Variants in SESTD1 observed in about 807,000 individuals in gnomAD.
SESTD1 encodes the protein SEC14 and spectrin domain containing 1.
Under a neutral mutation model 101.7 loss-of-function variants are expected in SESTD1, and 43 were observed. That is an observed-to-expected ratio of 0.42 (90% CI 0.33 to 0.55). The LOEUF is 0.55. Ranked by LOEUF, SESTD1 falls within the 20% of genes least tolerant of loss-of-function variation. SESTD1 has a pLI of 0.07. For missense variants in SESTD1, 647 were observed against 815.1 expected, an observed-to-expected ratio of 0.79 and a Z score of 2.51; for synonymous variants, 283 against 286.8, an observed-to-expected ratio of 0.99 and a Z score of 0.13.
Position 179,108,717 on chromosome 2 carries a change from TAAAA to T in SESTD1, c.*1178_*1181del, listed in dbSNP as rs1461347924. ...GACTAAAAAATAATTTTTAATATTTTAAAAAATGTTCTGAAATAAAAATACATAA... is the reference window on the plus strand; with the variant it reads ...GACTAAAAAATAATTTTTAATATTTTAATGTTCTGAAATAAAAATACATAA... On this transcript the variant is annotated 3_prime_UTR_variant, in exon 18 of 18. Coordinates refer to ENST00000428443, the MANE Select transcript of SESTD1 (RefSeq NM_178123.5). 6.6e-6 allele frequency: 1 copy of T among 152,018 alleles called. No individual in the cohort carries two copies. The highest frequency in any genetic ancestry group is 2.1e-4 in the South Asian group (1 of 4,832). The allele number at this position is 152,018 out of a possible 1,614,324, so 9.4% of individuals were successfully genotyped here. A position where few individuals can be genotyped will look rare whatever the true frequency, so the allele number is the denominator to read the frequency against.
intron 1 of SESTD1, among the ~76,000 whole-genome samples, chr2:179,207,686 C>T (rs906967996): frequency 1.5e-5 from 2 of 134,968 alleles, no homozygotes; most frequent in African/African-American, 5.9e-5. Context: ...TAGCACCACA[C>T]CAAGGGATCA....
intron 1 of SESTD1, among the ~76,000 whole-genome samples, chr2:179,244,464 AAAC>A (rs1408947548): frequency 7.3e-6 from 1 of 137,444 alleles, no homozygotes; most frequent in African/African-American, 3.4e-5. Flanking sequence ...GTCTCAAAAA[AAAC>A]AAACCAACAA....
chr2:179,247,427 TTTTTG>T (rs1232641491), intron 1 of SESTD1, among the ~76,000 whole-genome samples: 1 of 152,128 alleles, frequency 6.6e-6, no homozygotes, highest in African/African-American at 2.4e-5. Flanking sequence ...TTTGTTTTTG[TTTTTG>T]TTTTAAGAGA....
chr2:179,119,872 C>A (rs941126225), intron 13 of SESTD1, among the ~76,000 whole-genome samples: 1 of 152,162 alleles, frequency 6.6e-6, no homozygotes, highest in Non-Finnish European at 1.5e-5. Flanking sequence ...CCTGAGGTTT[C>A]CCCAGCCATA....
At chr2:179,198,761 AAC>A (rs1283099595) in intron 1 of SESTD1, among the ~76,000 whole-genome samples, 1 of 152,188 alleles carries the variant, frequency 6.6e-6, no homozygotes, top group African/African-American at 2.4e-5. Context: ...AACCAACGAG[AAC>A]ACAGACACAA....
intron 1 of SESTD1, chr2:179,264,238 G>A (rs2047524808): frequency 6.6e-6 from 1 of 152,112 alleles, no homozygotes; most frequent in Non-Finnish European, 1.5e-5. Flanking sequence ...GGAGGCAAAG[G>A]CGGCCCGCAG....
chr2:179,194,070 G>A (rs1333815177), intron 1 of SESTD1, among the ~76,000 whole-genome samples: 2 of 152,106 alleles, frequency 1.3e-5, no homozygotes, highest in African/African-American at 4.8e-5. Flanking sequence ...ATTTTGGATG[G>A]CCTTTCTTTT....
At chr2:179,125,922 C>T (rs1232017621) in intron 10 of SESTD1, among the ~76,000 whole-genome samples, 1 of 152,186 alleles carries the variant, frequency 6.6e-6, no homozygotes, top group East Asian at 1.9e-4. Context: ...AGCCGCCTGT[C>T]TCTTCTTCTA....
At chr2:179,172,463 T>C (rs1053271655) in intron 4 of SESTD1, among the ~76,000 whole-genome samples, 2 of 152,200 alleles carry the variant, frequency 1.3e-5, no homozygotes, top group African/African-American at 4.8e-5. Context: ...GCATAAATTG[T>C]ACATGTGAAT....
intron 1 of SESTD1, among the ~76,000 whole-genome samples, chr2:179,238,129 A>G (rs2047096505): frequency 6.6e-6 from 1 of 152,238 alleles, no homozygotes; most frequent in Non-Finnish European, 1.5e-5. Context: ...AAGAGAACAT[A>G]TATTTACTAT....
intron 8 of SESTD1, among the ~76,000 whole-genome samples, chr2:179,145,847 A>C (rs1226762848): frequency 2.0e-5 from 3 of 152,248 alleles, no homozygotes; most frequent in Non-Finnish European, 2.9e-5. Flanking sequence ...AAATAAAAAT[A>C]CATAAACACA....
intron 1 of SESTD1, among the ~76,000 whole-genome samples, chr2:179,238,806 CT>C (rs1265363366): frequency 6.6e-6 from 1 of 152,076 alleles, no homozygotes; most frequent in Non-Finnish European, 1.5e-5. Context: ...GAATTCTTAT[CT>C]TTGAGTCTAT....
intron 2 of SESTD1, among the ~76,000 whole-genome samples, chr2:179,189,605 G>A (rs1336808669): frequency 6.6e-6 from 1 of 151,914 alleles, no homozygotes; most frequent in Non-Finnish European, 1.5e-5. Flanking sequence ...AAAAGGCATA[G>A]AATTAGAAAA....
chr2:179,193,549 T>C (rs191053227), intron 1 of SESTD1, among the ~76,000 whole-genome samples: 38 of 152,342 alleles, frequency 2.5e-4, no homozygotes, highest in Admixed American at 1.1e-3. Flanking sequence ...ATTTGAAAGT[T>C]TGATAAAGGG....
At chr2:179,197,834 G>A (rs536165878) in intron 1 of SESTD1, among the ~76,000 whole-genome samples, 17 of 152,032 alleles carry the variant, frequency 1.1e-4, no homozygotes, top group South Asian at 6.2e-4. Context: ...AGGAACAACC[G>A]GTACCAGCCA....
chr2:179,248,105 G>A lies in SESTD1; in HGVS notation c.-26+16394C>T, dbSNP rs543340712. On this transcript the variant is annotated intron_variant, in intron 1 of 17. Coordinates refer to ENST00000428443, the MANE Select transcript of SESTD1 (RefSeq NM_178123.5). ...AGACGACACAGATTACCAGTATCTG[G>A]AATGCAACAGAGATCTCATGGCAGA... 2.4e-4 allele frequency among the ~76,000 whole-genome samples: 36 copies of A among 151,932 alleles called. 1 individual carries two copies. The South Asian group carries it at 7.5e-3, about 32-fold the overall frequency.
chr2:179,197,613 T>C (rs1448207354), intron 1 of SESTD1, among the ~76,000 whole-genome samples: 3 of 152,240 alleles, frequency 2.0e-5, no homozygotes, highest in Non-Finnish European at 4.4e-5. Context: ...CAGATCTCTC[T>C]GCAGAAACTC....
At chr2:179,194,461 G>A (rs550113218) in intron 1 of SESTD1, among the ~76,000 whole-genome samples, 7 of 152,056 alleles carry the variant, frequency 4.6e-5, no homozygotes, top group Non-Finnish European at 1.0e-4. Flanking sequence ...GAATTTACAG[G>A]ACTATTGCTT....
Position 179,105,818 on chromosome 2 carries a change from G to A in SESTD1, c.*4081C>T, listed in dbSNP as rs145832935. On this transcript the variant is annotated 3_prime_UTR_variant, in exon 18 of 18. Coordinates refer to ENST00000428443, the MANE Select transcript of SESTD1 (RefSeq NM_178123.5). ...CAGTAAATGGCAAAGCCAGATTTTT[G>A]AAGCCAAGTATTCAAGCTCCAAACA... is the stretch of plus-strand genomic sequence containing the variant. 4.7e-4 allele frequency: 72 copies of A among 152,116 alleles called. No individual in the cohort carries two copies. Among genetic ancestry groups the A allele is most frequent in the African/African-American group, 1.4e-3 (59 of 41,520 alleles). 9.4% of individuals were successfully genotyped at this position (152,116 alleles called of 1,614,324 possible). A position where few individuals can be genotyped will look rare whatever the true frequency, so the allele number is the denominator to read the frequency against.
Sources: allele counts gnomAD v4.1 joint callset (sites outside exome capture counted in the v4.1 genomes callset), GRCh38; gene constraint gnomAD v4.1.1; transcripts MANE v1.5; gene names NCBI Gene and HGNC (gene_info 2026-07-23, HGNC 2026-07-21).